The following STK17B variants were observed in gnomAD, a reference collection of about 807,000 sequenced individuals.
STK17B encodes the protein serine/threonine kinase 17b.
Under a neutral mutation model 42.0 loss-of-function variants are expected in STK17B, and 21 were observed. The ratio of observed to expected loss-of-function variants is 0.50; its 90% CI spans 0.35 to 0.72. The LOEUF (loss-of-function observed/expected upper bound fraction) is 0.72. STK17B is among the 30% of genes least tolerant of loss of function. The pLI, the probability that STK17B is intolerant of heterozygous loss-of-function variation, is 0.00. For synonymous variants in STK17B, 143 were observed against 148.4 expected, an observed-to-expected ratio of 0.96 and a Z score of 0.26; for missense variants, 349 against 446.0, an observed-to-expected ratio of 0.78 and a Z score of 1.96.
At chr2:196,155,713 T>C (rs747589566) in intron 3 of STK17B, among the ~76,000 whole-genome samples, 1 of 152,324 alleles carries the variant, frequency 6.6e-6, no homozygotes, top group South Asian at 2.1e-4. Context: ...TTTTACATCC[T>C]TAGAATAAAC....
chr2:196,171,016 C>G (rs1212005190), intron 1 of STK17B: 1 of 152,660 alleles, frequency 6.6e-6, no homozygotes, highest in African/African-American at 2.4e-5. Flanking sequence ...GAGCCGGGGC[C>G]GGCCGGGTGG....
chr2:196,164,714 G>A (rs896449916), intron 1 of STK17B, among the ~76,000 whole-genome samples: 2 of 151,910 alleles, frequency 1.3e-5, no homozygotes, highest in East Asian at 1.9e-4. Flanking sequence ...AGAGTTCAGC[G>A]TTTTCAGTTT....
intron 6 of STK17B, among the ~76,000 whole-genome samples, chr2:196,141,034 G>A (rs1347428213): frequency 6.6e-6 from 1 of 152,166 alleles, no homozygotes; most frequent in Non-Finnish European, 1.5e-5. Flanking sequence ...CACAGAGAGA[G>A]ATTTTCCTAT....
intron 2 of STK17B, among the ~76,000 whole-genome samples, chr2:196,160,237 TA>T (rs1454481040): frequency 2.1e-5 from 3 of 146,100 alleles, no homozygotes; most frequent in African/African-American, 7.4e-5. Context: ...GAATACACAA[TA>T]AAATGTGAAA....
upstream of STK17B, among the ~76,000 whole-genome samples, chr2:196,171,794 C>G (rs1271432902): frequency 3.9e-4 from 56 of 143,152 alleles, no homozygotes; most frequent in African/African-American, 1.5e-3. Flanking sequence ...GGCGTGGCGG[C>G]GCAGGTGGGG....
chr2:196,141,274 G>C lies in STK17B; in HGVS notation c.631C>G (p.Pro211Ala). The C allele has an allele frequency of 1.9e-6, 3 of 1,607,258 alleles. No homozygotes were observed. The highest frequency in any genetic ancestry group is 2.5e-6 in the Non-Finnish European group (3 of 1,176,500). ...CACATATCTGTTGCTGTGGTAATGG[G>C]ATCATAGTTCAGGATTTCTGGAGCT... ...YLAPEILNYD[P>A]ITTATDMWNI... Residue 211 changes from proline to alanine, a missense_variant, in exon 6 of 8, where the codon CCC becomes GCC. Pro to Ala is a conservative substitution (Grantham distance 27). Coordinates refer to ENST00000263955, the MANE Select transcript of STK17B (RefSeq NM_004226.4).
Position 196,163,441 on chromosome 2 carries a change from G to T in STK17B, c.-44-14C>A. 6 of 1,509,626 alleles carry T rather than the reference G, an allele frequency of 4.0e-6. No homozygotes were observed. In the South Asian group the frequency reaches 8.2e-5, roughly 21 times the overall value. The allele number at this position is 1,509,626 out of a possible 1,614,324, so 93.5% of individuals were successfully genotyped here. Reference sequence around the variant, plus strand: ...ACTTATTTTTACCTATGCAAAAAAAGAGAATACAGAGAAAAGATGTTATCT... The same window carrying T: ...ACTTATTTTTACCTATGCAAAAAAATAGAATACAGAGAAAAGATGTTATCT... On this transcript the variant is annotated splice_polypyrimidine_tract_variant and intron_variant, in intron 1 of 7. Transcript: ENST00000263955.
chr2:196,148,225 A>G (rs1699610996), intron 3 of STK17B, among the ~76,000 whole-genome samples: 1 of 152,222 alleles, frequency 6.6e-6, no homozygotes, highest in African/African-American at 2.4e-5. Context: ...CACACTGCCT[A>G]GCGGCCCTTG....
chr2:196,173,679 T>C (rs890044523), upstream of STK17B, among the ~76,000 whole-genome samples: 2 of 152,200 alleles, frequency 1.3e-5, no homozygotes, highest in Non-Finnish European at 2.9e-5. Flanking sequence ...CCTGCTCTCA[T>C]TCCCTTGAGT....
chr2:196,167,025 G>A (rs935356603), intron 1 of STK17B, among the ~76,000 whole-genome samples: 8 of 152,010 alleles, frequency 5.3e-5, no homozygotes, highest in African/African-American at 1.7e-4. Context: ...ATTTCCTGCC[G>A]CACTCATATT....
At chr2:196,144,117 C>T (rs998115920) in intron 4 of STK17B, among the ~76,000 whole-genome samples, 3 of 150,686 alleles carry the variant, frequency 2.0e-5, no homozygotes, top group South Asian at 2.1e-4. Context: ...GTGGGAGGAT[C>T]GTTTGAGCTC....
At chr2:196,158,241 G>T (rs1183332448) in intron 2 of STK17B, among the ~76,000 whole-genome samples, 1 of 152,132 alleles carries the variant, frequency 6.6e-6, no homozygotes, top group African/African-American at 2.4e-5. Flanking sequence ...TACACTGCTT[G>T]ACTGTATTTT....
upstream of STK17B, chr2:196,176,086 G>A (rs1355532066): frequency 6.6e-6 from 1 of 152,154 alleles, no homozygotes; most frequent in Non-Finnish European, 1.5e-5. Context: ...TCATCACTCC[G>A]ATGATACAGG....
chr2:196,155,056 A>G (rs778458965), intron 3 of STK17B, among the ~76,000 whole-genome samples: 4 of 152,012 alleles, frequency 2.6e-5, no homozygotes, highest in Admixed American at 6.6e-5. Context: ...GTTTGGATGA[A>G]CCCCCAAAAG....
chr2:196,138,879 G>A (rs942544406), intron 7 of STK17B, among the ~76,000 whole-genome samples: 5 of 149,642 alleles, frequency 3.3e-5, no homozygotes, highest in Admixed American at 1.3e-4. Context: ...CAGCTGACTC[G>A]CTTCTTTTGT....
intron 3 of STK17B, among the ~76,000 whole-genome samples, chr2:196,149,710 G>A (rs184583378): frequency 5.9e-5 from 9 of 152,216 alleles, no homozygotes; most frequent in Admixed American, 1.3e-4. Flanking sequence ...GTCTCTAAAA[G>A]TACATACGCA....
intron 3 of STK17B, among the ~76,000 whole-genome samples, chr2:196,149,585 C>A (rs1198430414): frequency 6.6e-6 from 1 of 152,054 alleles, no homozygotes; most frequent in South Asian, 2.1e-4. Flanking sequence ...AAAGTCTTTG[C>A]TAAATTAAAA....
At chr2:196,149,165 T>A (rs1296193551) in intron 3 of STK17B, among the ~76,000 whole-genome samples, 3 of 144,926 alleles carry the variant, frequency 2.1e-5, no homozygotes, top group Non-Finnish European at 4.6e-5. Context: ...TAACAGCTAT[T>A]TTTTTTTTTT....
chr2:196,142,745 GCAT>G, intron 5 of STK17B, among the ~76,000 whole-genome samples: 1 of 152,248 alleles, frequency 6.6e-6, no homozygotes, highest in East Asian at 1.9e-4. Context: ...GCCCCAGTTA[GCAT>G]TCAAAAGTTA....
Sources: gnomAD v4.1 joint callset for allele counts (sites outside exome capture counted in the v4.1 genomes callset) on GRCh38, gnomAD v4.1.1 for gene constraint, MANE v1.5 for transcripts, NCBI Gene and HGNC (gene_info 2026-07-23, HGNC 2026-07-21) for gene names.